Variants in GABRB1 observed in about 807,000 individuals in gnomAD.
The protein encoded by GABRB1 is gamma-aminobutyric acid receptor subunit beta-1.
In GABRB1, 17 loss-of-function variants were observed where a neutral mutation model predicts 51.6. The ratio of observed to expected loss-of-function variants is 0.33; its 90% CI spans 0.23 to 0.49. The LOEUF is 0.49. GABRB1 is among the 20% of genes least tolerant of loss of function. The pLI is 0.99. For missense variants in GABRB1, 410 were observed against 600.6 expected, an observed-to-expected ratio of 0.68 and a Z score of 3.32; for synonymous variants, 247 against 218.9, an observed-to-expected ratio of 1.13 and a Z score of -1.14.
intron 3 of GABRB1, among the ~76,000 whole-genome samples, chr4:47,077,467 C>T (rs748574227): frequency 9.2e-5 from 14 of 152,148 alleles, no homozygotes; most frequent in Non-Finnish European, 1.8e-4. Flanking sequence ...TTTCTTATTT[C>T]ATGTAATCTG....
At chr4:47,032,736 C>G (rs1341455555) in intron 3 of GABRB1, 1 of 691,080 alleles carries the variant, frequency 1.4e-6, no homozygotes, top group Non-Finnish European at 2.7e-6. Context: ...ACTGTTGCGC[C>G]GTGGATCTGC....
intron 3 of GABRB1, among the ~76,000 whole-genome samples, chr4:47,085,619 A>G (rs769315821): frequency 5.9e-5 from 9 of 152,204 alleles, no homozygotes; most frequent in Non-Finnish European, 1.3e-4. Context: ...TTTTCAAGGA[A>G]AGGAAAGAAC....
At chr4:47,370,569 T>C (rs897656004) in intron 5 of GABRB1, among the ~76,000 whole-genome samples, 76 of 152,260 alleles carry the variant, frequency 5.0e-4, no homozygotes, top group South Asian at 1.7e-3. Flanking sequence ...TAAGTTTAAA[T>C]TAGCTGAAGT....
chr4:47,079,641 A>G lies in GABRB1; in HGVS notation c.240+47157A>G, dbSNP rs192059275. 6.6e-5 allele frequency among the ~76,000 whole-genome samples: 10 copies of G among 152,214 alleles called. No homozygotes were observed. The East Asian group carries it at 1.9e-3, about 29-fold the overall frequency. ...AGGCTGGATTAAGAAAATGTGGCAC[A>G]TATACACCATGGAATACTATGCAGC... On this transcript the variant is annotated intron_variant, in intron 3 of 8. Transcript: ENST00000295454.
chr4:47,041,554 A>G (rs974449406), intron 3 of GABRB1, among the ~76,000 whole-genome samples: 2 of 152,116 alleles, frequency 1.3e-5, no homozygotes, highest in Non-Finnish European at 2.9e-5. Flanking sequence ...AAATGGATTA[A>G]TCAGAGAAGT....
chr4:47,015,131 C>T (rs888009001), intron 1 of GABRB1, among the ~76,000 whole-genome samples: 1 of 152,176 alleles, frequency 6.6e-6, no homozygotes, highest in Non-Finnish European at 1.5e-5. Context: ...TGGTCTCGAA[C>T]TCCTGACCTT....
intron 3 of GABRB1, among the ~76,000 whole-genome samples, chr4:47,083,260 A>C (rs892598765): frequency 6.6e-6 from 1 of 152,168 alleles, no homozygotes; most frequent in African/African-American, 2.4e-5. Flanking sequence ...TCTGTCAAGC[A>C]GGTCATTTAA....
rs569803144 is a variant in GABRB1, at chr4:47,195,656, C to A, written c.461+34187C>A. 1.7e-4 allele frequency among the ~76,000 whole-genome samples: 26 copies of A among 152,250 alleles called. 1 individual carries two copies. Among genetic ancestry groups the A allele is most frequent in the Admixed American group, 1.2e-3 (18 of 15,286 alleles). On this transcript the variant is annotated intron_variant, in intron 4 of 8. Coordinates refer to ENST00000295454, the MANE Select transcript of GABRB1 (RefSeq NM_000812.4). ...AACTGTATGTCCATAAGGACTCCAA[C>A]CTCCAGATGCAGAACAATAATGTAT...
intron 3 of GABRB1, among the ~76,000 whole-genome samples, chr4:47,097,015 C>G (rs995385564): frequency 6.6e-6 from 1 of 152,168 alleles, no homozygotes; most frequent in Non-Finnish European, 1.5e-5. Flanking sequence ...AAAACTACCA[C>G]AGTTGGGTCT....
intron 5 of GABRB1, among the ~76,000 whole-genome samples, chr4:47,353,149 G>A (rs565010172): frequency 5.9e-5 from 9 of 152,264 alleles, no homozygotes; most frequent in African/African-American, 1.7e-4. Context: ...CAGTATGGGG[G>A]AAACCACCCC....
intron 4 of GABRB1, among the ~76,000 whole-genome samples, chr4:47,167,058 A>G (rs924377475): frequency 6.6e-6 from 1 of 152,120 alleles, no homozygotes; most frequent in Non-Finnish European, 1.5e-5. Context: ...TGTGAATTGT[A>G]TTTCCTTAAA....
intron 4 of GABRB1, among the ~76,000 whole-genome samples, chr4:47,286,759 G>A (rs1723524506): frequency 6.6e-6 from 1 of 152,144 alleles, no homozygotes; most frequent in African/African-American, 2.4e-5. Context: ...TGTGTTCAAT[G>A]TAGACAATAA....
chr4:47,350,212 T>TAGAGAG lies in GABRB1; in HGVS notation c.544+30004_544+30005insGAGAGA, dbSNP rs778764022. ...ATATATATATATATATATATATATA[T>TAGAGAG]ATATATAGAGAGAGAGAGAGAGAGA... On this transcript the variant is annotated intron_variant, in intron 5 of 8. Coordinates refer to ENST00000295454, the MANE Select transcript of GABRB1 (RefSeq NM_000812.4). Among the ~76,000 whole-genome samples, 847 of 85,424 alleles carry TAGAGAG rather than the reference T, an allele frequency of 9.9e-3. 6 individuals carry two copies. The highest frequency in any genetic ancestry group is 0.047 in the East Asian group (101 of 2,162). 56.0% of individuals were successfully genotyped at this position (85,424 alleles called of 152,430 possible).
intron 5 of GABRB1, among the ~76,000 whole-genome samples, chr4:47,391,281 C>T (rs1727983065): frequency 6.6e-6 from 1 of 152,114 alleles, no homozygotes; most frequent in South Asian, 2.1e-4. Flanking sequence ...TTTAGTTAAA[C>T]AAAGTGCGTG....
chr4:47,367,486 T>C (rs1344136924), intron 5 of GABRB1, among the ~76,000 whole-genome samples: 2 of 152,210 alleles, frequency 1.3e-5, no homozygotes, highest in East Asian at 3.8e-4. Context: ...ACTTCTCTTA[T>C]CTGCTTGTAG....
intron 4 of GABRB1, among the ~76,000 whole-genome samples, chr4:47,291,159 T>C (rs1723714914): frequency 6.6e-6 from 1 of 152,008 alleles, no homozygotes; most frequent in Non-Finnish European, 1.5e-5. Context: ...TGGTGCCCTG[T>C]GTCCCAGCCA....
intron 4 of GABRB1, among the ~76,000 whole-genome samples, chr4:47,247,836 T>C (rs1157393833): frequency 2.6e-5 from 4 of 152,112 alleles, no homozygotes; most frequent in African/African-American, 9.6e-5. Flanking sequence ...TGTTGGTGTA[T>C]AGAAGAGCTA....
chr4:47,239,604 C>T (rs1166901392), intron 4 of GABRB1, among the ~76,000 whole-genome samples: 1 of 152,184 alleles, frequency 6.6e-6, no homozygotes, highest in African/African-American at 2.4e-5. Flanking sequence ...AGAAACAGAA[C>T]TTAGTAAACT....
At chr4:47,390,731 G>C (rs752898278) in intron 5 of GABRB1, among the ~76,000 whole-genome samples, 2 of 152,200 alleles carry the variant, frequency 1.3e-5, no homozygotes, top group Non-Finnish European at 2.9e-5. Flanking sequence ...TGGTAAAATA[G>C]GTTGTTTAGG....
Sources: gnomAD v4.1 joint callset for allele counts (sites outside exome capture counted in the v4.1 genomes callset) on GRCh38, gnomAD v4.1.1 for gene constraint, MANE v1.5 for transcripts, NCBI Gene and HGNC (gene_info 2026-07-23, HGNC 2026-07-21) for gene names.